Variants in THSD7B observed in about 807,000 individuals in gnomAD.
THSD7B encodes thrombospondin type-1 domain-containing protein 7B.
A neutral mutation model predicts 213.6 loss-of-function variants in THSD7B; 138 were observed. That is an observed-to-expected ratio of 0.65 (90% confidence interval 0.56 to 0.74). THSD7B has a LOEUF of 0.74. Among genes scored for constraint, THSD7B ranks in the 30% least tolerant of loss-of-function variants. The probability of loss-of-function intolerance (pLI) is 0.00; values close to 1 mark genes in which losing one functional copy is unlikely to be tolerated. For missense variants in THSD7B, 1,931 were observed against 1,991.5 expected (o/e 0.97, Z 0.58); for synonymous variants, 742 against 687.0 (o/e 1.08, Z -1.25).
chr2:137,019,222 C>A (rs10496762), intron 2 of THSD7B, among the ~76,000 whole-genome samples: 1 of 151,952 alleles, frequency 6.6e-6, no homozygotes, highest in Non-Finnish European at 1.5e-5. Flanking sequence ...TCTTAACACC[C>A]TGCTAAGGAG....
At chr2:137,203,875 T>A (rs1420425838) in intron 7 of THSD7B, among the ~76,000 whole-genome samples, 3 of 152,132 alleles carry the variant, frequency 2.0e-5, no homozygotes, top group Non-Finnish European at 4.4e-5. Context: ...AACTTTGCTC[T>A]CAGAGAACTT....
At chr2:137,438,073 C>T (rs1687328971) in intron 14 of THSD7B, among the ~76,000 whole-genome samples, 1 of 152,114 alleles carries the variant, frequency 6.6e-6, no homozygotes, top group Non-Finnish European at 1.5e-5. Context: ...ATACTAGTAG[C>T]AGAAATGGCT....
intron 2 of THSD7B, among the ~76,000 whole-genome samples, chr2:136,945,598 C>T (rs1404213231): frequency 6.6e-6 from 1 of 152,196 alleles, no homozygotes; most frequent in Non-Finnish European, 1.5e-5. Flanking sequence ...CAGTCACTTT[C>T]AGGTACATCA....
intron 2 of THSD7B, among the ~76,000 whole-genome samples, chr2:137,031,281 G>T (rs1686660321): frequency 6.6e-6 from 1 of 152,194 alleles, no homozygotes; most frequent in Admixed American, 6.5e-5. Context: ...GGAGGTGGAG[G>T]TTGCAGTAAG....
intron 12 of THSD7B, among the ~76,000 whole-genome samples, chr2:137,350,558 T>C (rs1239065848): frequency 1.3e-5 from 2 of 151,656 alleles, no homozygotes. Flanking sequence ...GACGTTATGA[T>C]AAAAGCAATA....
At chr2:137,132,155 G>C (rs540118103) in intron 5 of THSD7B, among the ~76,000 whole-genome samples, 4 of 150,750 alleles carry the variant, frequency 2.7e-5, no homozygotes, top group South Asian at 2.1e-4. Flanking sequence ...GTGAATGGCA[G>C]TTCACTCATG....
intron 2 of THSD7B, among the ~76,000 whole-genome samples, chr2:136,951,493 A>T (rs2105072611): frequency 6.6e-6 from 1 of 152,266 alleles, no homozygotes; most frequent in East Asian, 1.9e-4. Flanking sequence ...GGTCTGGGGG[A>T]AAAATAGCAA....
chr2:137,404,319 T>G (rs1179246345), intron 12 of THSD7B, among the ~76,000 whole-genome samples: 1 of 150,878 alleles, frequency 6.6e-6, no homozygotes, highest in Non-Finnish European at 1.5e-5. Flanking sequence ...GAAGTCATTA[T>G]TCAGAAAAGA....
chr2:137,046,869 A>G (rs368674070), intron 2 of THSD7B, among the ~76,000 whole-genome samples: 1 of 152,076 alleles, frequency 6.6e-6, no homozygotes, highest in Admixed American at 6.6e-5. Context: ...CTGGGCCAGG[A>G]AATCAGGACA....
intron 1 of THSD7B, among the ~76,000 whole-genome samples, chr2:136,829,199 A>T (rs58936490): frequency 0.044 from 6,616 of 150,250 alleles, 180 homozygotes; most frequent in South Asian, 0.089. Flanking sequence ...AAAGTCCTCC[A>T]GAGTGCCCAG....
chr2:136,818,163 A>G (rs1370148540), intron 1 of THSD7B, among the ~76,000 whole-genome samples: 1 of 151,480 alleles, frequency 6.6e-6, no homozygotes, highest in African/African-American at 2.4e-5. Flanking sequence ...TCCATCAATA[A>G]TAGACTGGAT....
chr2:136,860,597 C>T (rs924983567), intron 1 of THSD7B, among the ~76,000 whole-genome samples: 1 of 152,174 alleles, frequency 6.6e-6, no homozygotes, highest in African/African-American at 2.4e-5. Context: ...TTCTTTCTTA[C>T]TGACATCTAA....
At chr2:137,183,319 A>T (rs1186976632) in intron 7 of THSD7B, among the ~76,000 whole-genome samples, 1 of 152,172 alleles carries the variant, frequency 6.6e-6, no homozygotes, top group Non-Finnish European at 1.5e-5. Flanking sequence ...TAGAAATTTA[A>T]CACTGGTATA....
chr2:137,321,652 G>A (rs1684266822), intron 12 of THSD7B, among the ~76,000 whole-genome samples: 1 of 152,150 alleles, frequency 6.6e-6, no homozygotes, highest in Non-Finnish European at 1.5e-5. Flanking sequence ...GTGTAAAGTG[G>A]GTTCTTCTGG....
chr2:136,927,894 T>C (rs769078798), intron 2 of THSD7B, among the ~76,000 whole-genome samples: 2 of 152,210 alleles, frequency 1.3e-5, no homozygotes, highest in Non-Finnish European at 2.9e-5. Context: ...TTGATTGCCT[T>C]ATAAAGACAC....
chr2:136,903,791 A>G (rs974904608), intron 2 of THSD7B, among the ~76,000 whole-genome samples: 10 of 152,190 alleles, frequency 6.6e-5, no homozygotes, highest in African/African-American at 1.9e-4. Flanking sequence ...TTAGAAATAA[A>G]TAAGACATGA....
intron 5 of THSD7B, among the ~76,000 whole-genome samples, chr2:137,119,716 T>C (rs1688513787): frequency 6.6e-6 from 1 of 152,142 alleles, no homozygotes; most frequent in African/African-American, 2.4e-5. Context: ...TTCCCCCTAC[T>C]GTAGATTTTT....
intron 15 of THSD7B, among the ~76,000 whole-genome samples, chr2:137,487,374 C>CAAA (rs35759254): frequency 0.013 from 445 of 33,076 alleles, 53 homozygotes; most frequent in East Asian, 0.032. Flanking sequence ...GACTCCGTCT[C>CAAA]AAAAAAAAAA....
At chr2:137,066,426 T>C (rs1687383258) in intron 3 of THSD7B, among the ~76,000 whole-genome samples, 3 of 152,010 alleles carry the variant, frequency 2.0e-5, no homozygotes, top group African/African-American at 7.2e-5. Flanking sequence ...ACTCCTGACC[T>C]TAAATAATCT....
Sources: allele counts gnomAD v4.1 joint callset (sites outside exome capture counted in the v4.1 genomes callset), GRCh38; gene constraint gnomAD v4.1.1; transcripts MANE v1.5; gene names NCBI Gene and HGNC (gene_info 2026-07-23, HGNC 2026-07-21).